The following NTRK2 variants were observed in gnomAD, a reference collection of about 807,000 sequenced individuals.
NTRK2 encodes the protein BDNF/NT-3 growth factors receptor.
Under a neutral mutation model 94.5 loss-of-function variants are expected in NTRK2, and 13 were observed. The ratio of observed to expected loss-of-function variants is 0.14; its 90% confidence interval spans 0.09 to 0.22. NTRK2 has a LOEUF of 0.22. Among genes scored for constraint, NTRK2 ranks in the 10% least tolerant of loss-of-function variants. NTRK2 has a pLI of 1.00. For missense variants in NTRK2, 639 were observed against 1,071.2 expected, an observed-to-expected ratio of 0.60 and a Z score of 5.63; for synonymous variants, 372 against 407.4, an observed-to-expected ratio of 0.91 and a Z score of 1.05.
At position 84,723,646 on chromosome 9, in the gene NTRK2, T is replaced by G; in HGVS notation, c.657T>G (p.Ser219Arg). 1.9e-6 allele frequency: 3 copies of G among 1,614,104 alleles called. No individual in the cohort carries two copies. The highest frequency in any genetic ancestry group is 2.5e-6 in the Non-Finnish European group (3 of 1,179,976). ...EEGKSITLSCSVAGDPVPNMY... is the reference protein window; with the variant it reads ...EEGKSITLSCRVAGDPVPNMY... ...GAAAGTCTATCACATTATCCTGTAG[T>G]GTGGCAGGTGATCCGGTTCCTAATA... Residue 219 changes from serine (S) to arginine (R), a missense_variant, in exon 7 of 19, where the codon AGT becomes AGG. This residue lies in a region of NTRK2 where 12 missense variants were observed against 27.8 expected (regional missense o/e 0.43). Coordinates refer to ENST00000277120, the MANE Select transcript of NTRK2 (RefSeq NM_006180.6).
At chr9:84,847,600 T>G (rs1168029797) in intron 12 of NTRK2, among the ~76,000 whole-genome samples, 1 of 152,188 alleles carries the variant, frequency 6.6e-6, no homozygotes, top group Non-Finnish European at 1.5e-5. Flanking sequence ...GAAAAGAAAA[T>G]TACGGCTTAT....
chr9:84,925,262 A>ACCC (rs1418827162), intron 14 of NTRK2, among the ~76,000 whole-genome samples: 1 of 149,284 alleles, frequency 6.7e-6, no homozygotes, highest in Non-Finnish European at 1.5e-5. Context: ...TAACTTACAA[A>ACCC]TACTCTCAAA....
intron 17 of NTRK2, among the ~76,000 whole-genome samples, chr9:84,990,350 A>G (rs1367675791): frequency 2.0e-5 from 3 of 152,222 alleles, no homozygotes; most frequent in East Asian, 1.9e-4. Context: ...TGAATGTGAC[A>G]TTGTTGTGTA....
intron 5 of NTRK2, among the ~76,000 whole-genome samples, chr9:84,709,430 T>G (rs1425343531): frequency 6.6e-6 from 1 of 152,206 alleles, no homozygotes; most frequent in East Asian, 1.9e-4. Context: ...GGTGGGTCTT[T>G]TCTGCATTCT....
chr9:84,836,018 C>G (rs1386716688), intron 12 of NTRK2, among the ~76,000 whole-genome samples: 4 of 152,024 alleles, frequency 2.6e-5, no homozygotes, highest in Non-Finnish European at 2.9e-5. Context: ...TAGATCCCAT[C>G]ACATTGTGGG....
chr9:84,982,940 G>A (rs1183945146), intron 17 of NTRK2, among the ~76,000 whole-genome samples: 1 of 152,066 alleles, frequency 6.6e-6, no homozygotes, highest in Non-Finnish European at 1.5e-5. Context: ...CTTTCTTAGA[G>A]CAGTGGTGGA....
At chr9:84,966,657 T>TC (rs1281886408) in intron 17 of NTRK2, among the ~76,000 whole-genome samples, 1 of 152,116 alleles carries the variant, frequency 6.6e-6, no homozygotes, top group African/African-American at 2.4e-5. Context: ...GGTCTCGAAC[T>TC]CCTGGCCTTA....
At chr9:85,010,865 C>A (rs1390969249) in intron 17 of NTRK2, among the ~76,000 whole-genome samples, 1 of 152,130 alleles carries the variant, frequency 6.6e-6, no homozygotes, top group Non-Finnish European at 1.5e-5. Context: ...AACTAGGGGT[C>A]TTTGGCTGTT....
chr9:84,735,773 A>G (rs1297219651), intron 9 of NTRK2, among the ~76,000 whole-genome samples: 2 of 152,224 alleles, frequency 1.3e-5, no homozygotes, highest in African/African-American at 4.8e-5. Flanking sequence ...CTTGTCTAAG[A>G]TGAAATTGAT....
intron 12 of NTRK2, among the ~76,000 whole-genome samples, chr9:84,843,393 A>G (rs1284468548): frequency 6.6e-6 from 1 of 151,850 alleles, no homozygotes; most frequent in Non-Finnish European, 1.5e-5. Flanking sequence ...GGCCTTTCTC[A>G]CCTTTCACTT....
intron 14 of NTRK2, among the ~76,000 whole-genome samples, chr9:84,904,433 A>G (rs73476446): frequency 0.043 from 6,518 of 152,168 alleles, 473 homozygotes; most frequent in African/African-American, 0.15. Flanking sequence ...CTTTGGATGG[A>G]TTTCTCTACC....
intron 12 of NTRK2, among the ~76,000 whole-genome samples, chr9:84,768,892 G>A (rs746696740): frequency 1.1e-4 from 17 of 152,102 alleles, no homozygotes; most frequent in Non-Finnish European, 2.1e-4. Flanking sequence ...TGGTTCTGAG[G>A]GCAGGCCAGG....
chr9:84,900,572 G>T (rs954096636), intron 14 of NTRK2, among the ~76,000 whole-genome samples: 8 of 152,200 alleles, frequency 5.3e-5, no homozygotes, highest in African/African-American at 1.9e-4. Context: ...TCTCTCAGAG[G>T]TCATGACAGC....
intron 12 of NTRK2, among the ~76,000 whole-genome samples, chr9:84,793,850 G>A (rs975099372): frequency 2.5e-4 from 38 of 152,284 alleles, no homozygotes; most frequent in African/African-American, 7.0e-4. Flanking sequence ...ATACAGCCAC[G>A]TCCATTTGTT....
intron 17 of NTRK2, among the ~76,000 whole-genome samples, chr9:85,014,905 T>C (rs1166967982): frequency 1.3e-5 from 2 of 152,230 alleles, no homozygotes; most frequent in African/African-American, 2.4e-5. Context: ...AAAGAACAGT[T>C]CTTTTCTTGA....
rs555785027 is a variant in NTRK2, at chr9:84,921,454, C to G, written c.1634-12708C>G. Among the ~76,000 whole-genome samples the G allele has an allele frequency of 7.2e-5, 11 of 152,190 alleles. No individual in the cohort carries two copies. The South Asian group carries it at 8.3e-4, about 12-fold the overall frequency. ...AGTGATTCTTGACATGAGTTCACAC[C>G]AGAGATTTTGCAACTCATTGATATG... On this transcript the variant is annotated intron_variant, in intron 14 of 18. Coordinates refer to ENST00000277120, the MANE Select transcript of NTRK2 (RefSeq NM_006180.6).
At chr9:84,728,140 T>C (rs908181450) in intron 9 of NTRK2, among the ~76,000 whole-genome samples, 181 bp downstream of exon 9, 9 of 152,204 alleles carry the variant, frequency 5.9e-5, no homozygotes, top group Non-Finnish European at 1.2e-4. Context: ...TATTGTGGAA[T>C]TCAGGGTCAT....
chr9:84,800,950 T>C lies in NTRK2; in HGVS notation c.1396+48865T>C, dbSNP rs117942708. Among the ~76,000 whole-genome samples, 803 of 152,322 alleles carry C rather than the reference T, an allele frequency of 5.3e-3. 14 individuals are homozygous for C. The highest frequency in any genetic ancestry group is 0.03 in the East Asian group (155 of 5,182). On this transcript the variant is annotated intron_variant, in intron 12 of 18. Coordinates refer to ENST00000277120, the MANE Select transcript of NTRK2 (RefSeq NM_006180.6). ...GGGGAATTGGAATTTTTGAGCAAAG[T>C]TCCTTTCCATGACTTTTTGCTTCAT... is the stretch of plus-strand genomic sequence containing the variant.
intron 14 of NTRK2, among the ~76,000 whole-genome samples, chr9:84,880,623 C>T (rs986932375): frequency 6.6e-6 from 1 of 152,208 alleles, no homozygotes; most frequent in Non-Finnish European, 1.5e-5. Context: ...CCTGCATCTA[C>T]GTGCTTCATA....
Sources: gnomAD v4.1 joint callset for allele counts (sites outside exome capture counted in the v4.1 genomes callset) on GRCh38, gnomAD v4.1.1 for gene constraint, gnomAD v4.1.1 regional missense constraint, MANE v1.5 for transcripts, NCBI Gene and HGNC (gene_info 2026-07-23, HGNC 2026-07-21) for gene names.